The following SPG7 variants were observed in gnomAD, a reference collection of about 807,000 sequenced individuals.
The protein encoded by SPG7 is SPG7 matrix AAA peptidase subunit, paraplegin.
In SPG7, 103 loss-of-function variants were observed where a neutral mutation model predicts 81.9. The ratio of observed to expected loss-of-function variants is 1.26; its 90% CI spans 1.07 to 1.48. SPG7 has a LOEUF of 1.48. Among genes scored for constraint, SPG7 ranks in the 40% most tolerant of loss-of-function variants. The pLI is 0.00. For synonymous variants in SPG7, 534 were observed against 444.2 expected, an observed-to-expected ratio of 1.20 and a Z score of -2.54; for missense variants, 1,241 against 1,087.3, an observed-to-expected ratio of 1.14 and a Z score of -1.99.
intron 3 of SPG7, chr16:89,523,762 G>C (rs80000141): frequency 1.6e-4 from 103 of 638,804 alleles, no homozygotes; most frequent in Non-Finnish European, 2.7e-4. Context: ...TTTCCTCTTA[G>C]GTGGGAACCA....
rs994179099 is a variant in SPG7, at chr16:89,508,592, G to C, written c.175G>C (p.Ala59Pro). ...GGACCTCGCCGAGGCTGGAGGCCGA[G>C]CTCTGCAGGTAAATCCCCGCGGAGT... ...PGDLAEAGGR[A>P]LQSLQLRLLT... Residue 59 changes from alanine to proline, a missense_variant, in exon 1 of 17, where the codon GCT becomes CCT. By Grantham distance (27) the Ala-to-Pro change is conservative. Coordinates refer to ENST00000645818, the MANE Select transcript of SPG7 (RefSeq NM_003119.4). 2.0e-6 allele frequency: 3 copies of C among 1,478,612 alleles called. No homozygotes were observed. The highest frequency in any genetic ancestry group is 1.3e-5 in the South Asian group (1 of 76,762). 91.6% of individuals were successfully genotyped at this position (1,478,612 alleles called of 1,614,324 possible).
chr16:89,546,907 G>T, intron 11 of SPG7, 147 bp downstream of exon 11: 1 of 685,012 alleles, frequency 1.5e-6, no homozygotes, highest in South Asian at 1.5e-5. Flanking sequence ...GGAGGGAGCT[G>T]ATGTGTATGT....
chr16:89,546,594 A>T, intron 10 of SPG7, 64 bp from the exon 11 acceptor site: 4 of 1,040,800 alleles, frequency 3.8e-6, no homozygotes, highest in Non-Finnish European at 6.0e-6. Context: ...ACAGACAAAC[A>T]TGCCGCACCT....
At chr16:89,550,942 A>G (rs919235549) in intron 13 of SPG7, among the ~76,000 whole-genome samples, 1 of 152,200 alleles carries the variant, frequency 6.6e-6, no homozygotes, top group African/African-American at 2.4e-5. Context: ...AATGACTCCT[A>G]ACATTGGAAA....
At chr16:89,555,932 C>T in intron 16 of SPG7, 1 of 398,874 alleles carries the variant, frequency 2.5e-6, no homozygotes. Context: ...CTGTCGTCCC[C>T]AGCCAGCAGC....
At chr16:89,547,070 C>A (rs1274828696) in intron 11 of SPG7, 1 of 384,390 alleles carries the variant, frequency 2.6e-6, no homozygotes. Flanking sequence ...TCCCGTCAGA[C>A]CCAGAGTCAG....
chr16:89,529,822 G>T, intron 6 of SPG7: 1 of 564,520 alleles, frequency 1.8e-6, no homozygotes, highest in Non-Finnish European at 3.2e-6. Flanking sequence ...AGATTACAGG[G>T]CAGTTGAATC....
chr16:89,524,417 C>T lies in SPG7; in HGVS notation c.618+170C>T, dbSNP rs8051680. On this transcript the variant is annotated intron_variant, in intron 4 of 16. Transcript: ENST00000645818. ...TCTTTCTCATGCAGGGACCTCAGCC[C>T]ATTGATTTGCATTTATTTGGTTGCC... 0.13 allele frequency among the ~76,000 whole-genome samples: 19,761 copies of T among 152,104 alleles called. 1,659 individuals carry two copies. Among genetic ancestry groups the T allele is most frequent in the Middle Eastern group, 0.2 (60 of 294 alleles).
rs975079190 is a variant in SPG7, at chr16:89,551,132, A to G, written c.1779+523A>G. On this transcript the variant is annotated intron_variant, in intron 13 of 16. Coordinates refer to ENST00000645818, the MANE Select transcript of SPG7 (RefSeq NM_003119.4). ...ACTCGATGGACATTTATTCTTACCA[A>G]ATGGTGATGTTACAGCTTCTCTAAG... The G allele has an allele frequency of 2.1e-5, 4 of 194,800 alleles. No individual in the cohort carries two copies. The Admixed American group carries it at 2.1e-4, about 10-fold the overall frequency. The allele number at this position is 194,800 out of a possible 1,614,324, so 12.1% of individuals were successfully genotyped here.
intron 16 of SPG7, chr16:89,554,770 A>C: frequency 1.7e-6 from 1 of 579,602 alleles, no homozygotes; most frequent in South Asian, 1.9e-5. Context: ...CCGAGGTAGA[A>C]AGAAGGCTGC....
chr16:89,525,573 C>T (rs2058249032), intron 4 of SPG7, among the ~76,000 whole-genome samples: 1 of 152,152 alleles, frequency 6.6e-6, no homozygotes, highest in African/African-American at 2.4e-5. Flanking sequence ...CAAAGAGAGT[C>T]CCGCAAGTCC....
chr16:89,531,151 C>A, intron 7 of SPG7: 1 of 408,284 alleles, frequency 2.4e-6, no homozygotes, highest in East Asian at 5.6e-5. Flanking sequence ...CTATCACGTG[C>A]GTCACTTACA....
intron 11 of SPG7, chr16:89,547,769 C>T (rs189874031): frequency 7.6e-5 from 36 of 476,168 alleles, no homozygotes; most frequent in African/African-American, 5.5e-4. Flanking sequence ...CTCACCACCA[C>T]GCCCGGCTAA....
At chr16:89,555,575 A>G (rs456104) in intron 16 of SPG7, 265,663 of 266,440 alleles carry the variant, frequency 1, 132,452 homozygotes, top group East Asian at 1. Context: ...GGGAGTCCAC[A>G]TGGCGTTTGA....
At chr16:89,533,149 A>G (rs1463767544) in intron 9 of SPG7, 2 of 169,898 alleles carry the variant, frequency 1.2e-5, no homozygotes, top group East Asian at 1.6e-4. Context: ...AAGTAGGAAT[A>G]TAAGTGGTAC....
At position 89,532,329 on chromosome 16, in the gene SPG7, G is replaced by T. The variant is rs117914800; in HGVS notation, c.1151-134G>T. The stretch of plus-strand genomic sequence containing the variant: ...CCAGGGGCCCCCGCGAGCAGCTGCC[G>T]TGTGTCTGTTTGTAGGGAATGGAGC... On this transcript the variant is annotated intron_variant, in intron 8 of 16. Coordinates refer to ENST00000645818, the MANE Select transcript of SPG7 (RefSeq NM_003119.4). 2.1e-3 allele frequency: 2,440 copies of T among 1,172,676 alleles called. 20 individuals are homozygous for T. Among genetic ancestry groups the T allele is most frequent in the East Asian group, 0.019 (769 of 40,578 alleles). The allele number at this position is 1,172,676 out of a possible 1,614,324, so 72.6% of individuals were successfully genotyped here.
chr16:89,552,867 T>G, intron 13 of SPG7, 112 bp from the exon 14 acceptor site: 1 of 999,376 alleles, frequency 1.0e-6, no homozygotes, highest in East Asian at 2.5e-5. Flanking sequence ...GCTGCACATT[T>G]GCCTTCCTGC....
intron 3 of SPG7, chr16:89,520,143 G>A (rs1354917626): frequency 6.6e-6 from 1 of 152,622 alleles, no homozygotes; most frequent in East Asian, 1.9e-4. Context: ...GTGAGCTGGC[G>A]GCTCGTCTCA....
At chr16:89,550,670 C>T (rs1597661812) in intron 13 of SPG7, 61 bp downstream of exon 13, 1 of 1,155,950 alleles carries the variant, frequency 8.7e-7, no homozygotes, top group East Asian at 2.3e-5. Context: ...GGAGTCCCGC[C>T]TGTGTCTGTA....
Sources: gnomAD v4.1 joint callset for allele counts (sites outside exome capture counted in the v4.1 genomes callset) on GRCh38, gnomAD v4.1.1 for gene constraint, MANE v1.5 for transcripts, NCBI Gene and HGNC (gene_info 2026-07-23, HGNC 2026-07-21) for gene names.